SSPN: variants seen among roughly 807,000 people sequenced by gnomAD.
SSPN encodes K-ras oncogene-associated protein.
SSPN carries 15 observed loss-of-function variants against 19.1 expected under a neutral mutation model. The observed-to-expected ratio is 0.78, with a 90% confidence interval of 0.52 to 1.21. The LOEUF (loss-of-function observed/expected upper bound fraction) is 1.21. SSPN is among the 50% of genes most tolerant of loss of function. SSPN has a pLI of 0.00. For synonymous variants in SSPN, 147 were observed against 140.3 expected, an observed-to-expected ratio of 1.05 and a Z score of -0.34; for missense variants, 291 against 314.0, an observed-to-expected ratio of 0.93 and a Z score of 0.55.
chr12:26,222,453 G>A (rs1353344455), intron 1 of SSPN, among the ~76,000 whole-genome samples: 3 of 152,162 alleles, frequency 2.0e-5, no homozygotes, highest in African/African-American at 4.8e-5. Flanking sequence ...AGCTGGCCCT[G>A]GGGTAGGAAA....
chr12:26,144,062 CAATGTAAT>C (rs1565671170), intron 1 of SSPN, among the ~76,000 whole-genome samples: 1 of 152,102 alleles, frequency 6.6e-6, no homozygotes, highest in African/African-American at 2.4e-5. Context: ...TTCTATATTA[CAATGTAAT>C]AATAATAGAA....
intron 1 of SSPN, among the ~76,000 whole-genome samples, chr12:26,143,696 G>A (rs767025085): frequency 3.3e-5 from 5 of 152,182 alleles, no homozygotes; most frequent in African/African-American, 4.8e-5. Flanking sequence ...TGACATATTG[G>A]CATGTGAAAC....
At chr12:26,138,421 G>T (rs1388534427) in intron 1 of SSPN, among the ~76,000 whole-genome samples, 1 of 152,092 alleles carries the variant, frequency 6.6e-6, no homozygotes, top group Non-Finnish European at 1.5e-5. Context: ...CAATAATAGA[G>T]TATCTTCTAT....
intron 1 of SSPN, among the ~76,000 whole-genome samples, chr12:26,185,163 T>C (rs764189471): frequency 3.9e-5 from 6 of 152,246 alleles, no homozygotes; most frequent in Non-Finnish European, 8.8e-5. Context: ...TTACATGATG[T>C]AGTCAATATC....
intron 1 of SSPN, among the ~76,000 whole-genome samples, chr12:26,145,070 T>A (rs1447440440): frequency 6.6e-6 from 1 of 152,142 alleles, no homozygotes; most frequent in African/African-American, 2.4e-5. Context: ...CAGTGAGAGA[T>A]TTTTGGTCTA....
At chr12:26,144,540 G>C (rs143243503) in intron 1 of SSPN, among the ~76,000 whole-genome samples, 17 of 152,102 alleles carry the variant, frequency 1.1e-4, no homozygotes, top group Admixed American at 1.1e-3. Context: ...TACATTCTGC[G>C]TCTCTCTTGG....
At position 26,232,049 on chromosome 12, in the gene SSPN, T is replaced by G. The variant is rs1238379292; in HGVS notation, c.*973T>G. 1.0e-6 allele frequency: 1 copy of G among 985,256 alleles called. No homozygotes were observed. The highest frequency in any genetic ancestry group is 1.2e-6 in the Non-Finnish European group (1 of 829,914). 61.0% of individuals were successfully genotyped at this position (985,256 alleles called of 1,614,324 possible). On this transcript the variant is annotated 3_prime_UTR_variant, in exon 3 of 3. Coordinates refer to ENST00000242729, the MANE Select transcript of SSPN (RefSeq NM_005086.5). ...ATAGCTCAGGTTAAAAACACCCATT[T>G]AAACAAAAACAAGAGCATTTGTAAT...
intron 1 of SSPN, among the ~76,000 whole-genome samples, chr12:26,215,895 G>A (rs1285513939): frequency 6.6e-6 from 1 of 152,110 alleles, no homozygotes; most frequent in Non-Finnish European, 1.5e-5. Flanking sequence ...TTCTTTATGG[G>A]GAAACAAATG....
At chr12:26,201,072 T>G (rs1944880854) in intron 1 of SSPN, among the ~76,000 whole-genome samples, 1 of 137,666 alleles carries the variant, frequency 7.3e-6, no homozygotes, top group African/African-American at 2.6e-5. Context: ...GGAAATAAAA[T>G]GGAATATTCA....
At chr12:26,150,643 T>C (rs1227297484) in intron 1 of SSPN, among the ~76,000 whole-genome samples, 1 of 133,466 alleles carries the variant, frequency 7.5e-6, no homozygotes, top group Non-Finnish European at 1.7e-5. Flanking sequence ...TATAATGTAT[T>C]CACTTACTAA....
rs577695231 is a variant in SSPN, at chr12:26,128,543, G to T, written c.-31+6391G>T. 3.3e-5 allele frequency among the ~76,000 whole-genome samples: 5 copies of T among 152,320 alleles called. No homozygotes were observed. The East Asian group carries it at 5.8e-4, about 18-fold the overall frequency. On this transcript the variant is annotated intron_variant, in intron 1 of 2. Transcript: ENST00000538142. ...CCAAGCTCTAATGTGAAGACTTCAGGTTAGTAATAGGAAAAGTTCACCTGT... is the reference window on the plus strand; with the variant it reads ...CCAAGCTCTAATGTGAAGACTTCAGTTTAGTAATAGGAAAAGTTCACCTGT...
intron 1 of SSPN, among the ~76,000 whole-genome samples, chr12:26,152,547 A>G (rs1399185330): frequency 6.6e-6 from 1 of 152,156 alleles, no homozygotes; most frequent in Non-Finnish European, 1.5e-5. Context: ...TTCCCTTATC[A>G]CTGTATTTTA....
chr12:26,149,147 A>C (rs932136172), intron 1 of SSPN, among the ~76,000 whole-genome samples: 1 of 152,190 alleles, frequency 6.6e-6, no homozygotes, highest in Admixed American at 6.5e-5. Context: ...AATAGATTTG[A>C]TGAAGTTTCT....
Position 26,211,599 on chromosome 12 carries a change from C to T in SSPN, c.280-12694C>T, listed in dbSNP as rs555538085. The T allele has an allele frequency of 2.0e-5, 3 of 152,302 alleles. No homozygotes were observed. In the South Asian group the frequency reaches 6.2e-4, roughly 32 times the overall value. 9.4% of individuals were successfully genotyped at this position (152,302 alleles called of 1,614,324 possible). On this transcript the variant is annotated intron_variant, in intron 1 of 2. Transcript: ENST00000242729. ...ATCCATAAGATTTGGGGGATTCACACTCCTCTCATCCAGCTGCTGGTCACA... is the reference window on the plus strand; with the variant it reads ...ATCCATAAGATTTGGGGGATTCACATTCCTCTCATCCAGCTGCTGGTCACA...
At chr12:26,163,546 A>C (rs1944602635) in intron 1 of SSPN, among the ~76,000 whole-genome samples, 1 of 152,232 alleles carries the variant, frequency 6.6e-6, no homozygotes, top group African/African-American at 2.4e-5. Flanking sequence ...CTGTGTCGTC[A>C]CATGGCAGAA....
chr12:26,180,402 G>A (rs1944711570), intron 1 of SSPN: 2 of 152,138 alleles, frequency 1.3e-5, no homozygotes, highest in Non-Finnish European at 2.9e-5. Flanking sequence ...GACATTAGGT[G>A]CTTGCAGAAC....
intron 1 of SSPN, among the ~76,000 whole-genome samples, chr12:26,146,451 T>G (rs1333921803): frequency 1.3e-5 from 2 of 152,226 alleles, no homozygotes; most frequent in East Asian, 3.8e-4. Flanking sequence ...TTCCTATCAG[T>G]TGATTTAGTC....
chr12:26,187,711 C>G (rs1944762662), intron 1 of SSPN, among the ~76,000 whole-genome samples: 1 of 152,154 alleles, frequency 6.6e-6, no homozygotes, highest in Admixed American at 6.5e-5. Context: ...AAGCACTGCA[C>G]TGATTCCTCT....
intron 1 of SSPN, among the ~76,000 whole-genome samples, chr12:26,137,656 A>ATTTTTT (rs10597345): frequency 2.6e-5 from 2 of 76,434 alleles, no homozygotes; most frequent in African/African-American, 1.3e-4. Flanking sequence ...ATATATATAT[A>ATTTTTT]TTTTTTTTTT....
Sources: allele counts gnomAD v4.1 joint callset (sites outside exome capture counted in the v4.1 genomes callset), GRCh38; gene constraint gnomAD v4.1.1; transcripts MANE v1.5; gene names NCBI Gene and HGNC (gene_info 2026-07-23, HGNC 2026-07-21).